The following DOK7 variants were observed in gnomAD, a reference collection of about 807,000 sequenced individuals.
The protein encoded by DOK7 is docking protein 7.
Under a neutral mutation model 30.7 loss-of-function variants are expected in DOK7, and 32 were observed. The observed-to-expected ratio is 1.04, with a 90% CI of 0.79 to 1.40. DOK7 has a LOEUF of 1.40. Ranked by LOEUF, DOK7 falls within the 40% of genes most tolerant of loss-of-function variation. The probability of loss-of-function intolerance (pLI) is 0.00; values close to 1 mark genes in which losing one functional copy is unlikely to be tolerated. For synonymous variants in DOK7, 447 were observed against 324.1 expected, an observed-to-expected ratio of 1.38 and a Z score of -4.07; for missense variants, 1,007 against 699.2, an observed-to-expected ratio of 1.44 and a Z score of -4.97.
downstream of DOK7, chr4:3,496,940 G>GT (rs1728943442): frequency 3.5e-6 from 2 of 575,200 alleles, no homozygotes; most frequent in Non-Finnish European, 5.4e-6. Context: ...GGCAGCCAGA[G>GT]TTTGACTAGA....
chr4:3,494,234 T>TC lies in DOK7; in HGVS notation c.*735dup. 1 of 985,504 alleles carries TC rather than the reference T, an allele frequency of 1.0e-6. No homozygotes were observed. Among genetic ancestry groups the TC allele is most frequent in the African/African-American group, 1.7e-5 (1 of 57,364 alleles). The allele number at this position is 985,504 out of a possible 1,614,324, so 61.0% of individuals were successfully genotyped here. ...AGCTCTGCTGGCTCCTGTCTGAACC[T>TC]CCTCGCAGGGCCAAAGGCTGGCTTG... On this transcript the variant is annotated 3_prime_UTR_variant, in exon 7 of 7. Coordinates refer to ENST00000340083, the MANE Select transcript of DOK7 (RefSeq NM_173660.5).
chr4:3,498,725 C>G (rs144196408), downstream of DOK7, among the ~76,000 whole-genome samples: 2 of 152,226 alleles, frequency 1.3e-5, no homozygotes, highest in African/African-American at 4.8e-5. Context: ...TGCCTGGGCA[C>G]CAGAACTTGG....
chr4:3,465,557 T>C (rs886071596), intron 2 of DOK7, among the ~76,000 whole-genome samples: 3 of 152,214 alleles, frequency 2.0e-5, no homozygotes, highest in African/African-American at 7.2e-5. Flanking sequence ...AGGGCCCCGA[T>C]GTGCACCTTT....
At chr4:3,487,984 C>T (rs1021252166) in intron 5 of DOK7, among the ~76,000 whole-genome samples, 4 of 152,248 alleles carry the variant, frequency 2.6e-5, no homozygotes, top group African/African-American at 4.8e-5. Context: ...GTGCCAGGAG[C>T]TGCTAAGCCG....
At chr4:3,490,381 C>T (rs1326432853) in intron 6 of DOK7, among the ~76,000 whole-genome samples, 10 of 101,640 alleles carry the variant, frequency 9.8e-5, no homozygotes, top group African/African-American at 4.0e-4. Flanking sequence ...CTTCCCCCCA[C>T]CCCCTGCTCA....
chr4:3,463,367 T>C lies in DOK7; in HGVS notation c.-9T>C. On this transcript the variant is annotated 5_prime_UTR_variant, in exon 1 of 7. It removes an upstream start codon present in the reference 5' UTR. Coordinates refer to ENST00000340083, the MANE Select transcript of DOK7 (RefSeq NM_173660.5). ...GGGCGAGCGCGGCGGCGCGGAACCA[T>C]GACAGAAGATGACCGAGGCGGCGCT... 2 of 1,479,816 alleles carry C rather than the reference T, an allele frequency of 1.4e-6. No homozygotes were observed. The highest frequency in any genetic ancestry group is 1.8e-6 in the Non-Finnish European group (2 of 1,129,756). The allele number at this position is 1,479,816 out of a possible 1,614,324, so 91.7% of individuals were successfully genotyped here.
chr4:3,500,356 T>C (rs1217827583), exon 7 of DOK7: 5 of 1,535,870 alleles, frequency 3.3e-6, no homozygotes, highest in African/African-American at 1.4e-5. Flanking sequence ...AGAAAGCAGC[T>C]GCACTACATG....
chr4:3,498,910 G>A (rs539876950), downstream of DOK7, among the ~76,000 whole-genome samples: 5 of 152,346 alleles, frequency 3.3e-5, no homozygotes, highest in East Asian at 3.9e-4. Context: ...GCGAACCCTC[G>A]TCGACCTGGG....
intron 2 of DOK7, among the ~76,000 whole-genome samples, chr4:3,469,163 ATG>A (rs544881859): frequency 4.3e-4 from 59 of 135,774 alleles, no homozygotes; most frequent in South Asian, 1.5e-3. Flanking sequence ...ATGAGTGTGC[ATG>A]TGTGTGTGTG....
chr4:3,473,056 C>T (rs1046114130), intron 2 of DOK7, among the ~76,000 whole-genome samples: 2 of 152,196 alleles, frequency 1.3e-5, no homozygotes, highest in Non-Finnish European at 2.9e-5. Flanking sequence ...CCCCCAAGCC[C>T]GTGACCACAG....
chr4:3,493,445 G>A lies in DOK7; in HGVS notation c.1459G>A (p.Ala487Thr), dbSNP rs751342277. 1.9e-6 allele frequency: 3 copies of A among 1,608,570 alleles called. No individual in the cohort carries two copies. The highest frequency in any genetic ancestry group is 2.5e-6 in the Non-Finnish European group (3 of 1,178,050). The part of the protein sequence containing the change: ...AGGPHAGPPP[A>T]FFSACPVCGG... ...CGGCCCCCACGCGGGGCCACCCCCGGCTTTCTTTTCGGCATGTCCAGTCTG... is the reference window on the plus strand; with the variant it reads ...CGGCCCCCACGCGGGGCCACCCCCGACTTTCTTTTCGGCATGTCCAGTCTG... Residue 487 changes from alanine (A) to threonine (T), a missense_variant, in exon 7 of 7, where the codon GCT (alanine) becomes ACT (threonine). Transcript: ENST00000340083.
chr4:3,497,659 A>AG (rs1159917156), downstream of DOK7, among the ~76,000 whole-genome samples: 1 of 149,904 alleles, frequency 6.7e-6, no homozygotes, highest in Non-Finnish European at 1.5e-5. Context: ...TGGCACCTAC[A>AG]GGGGGGCGGG....
chr4:3,471,107 G>A (rs1726732588), intron 2 of DOK7, among the ~76,000 whole-genome samples: 1 of 152,250 alleles, frequency 6.6e-6, no homozygotes, highest in South Asian at 2.1e-4. Flanking sequence ...TGAGCCATGG[G>A]TCACCTGGTC....
intron 2 of DOK7, 134 bp from the exon 3 acceptor site, chr4:3,473,272 T>C: frequency 1.2e-6 from 1 of 809,308 alleles, no homozygotes; most frequent in Non-Finnish European, 2.0e-6. Context: ...AGTCGAAGCC[T>C]TGGCATGGCT....
chr4:3,482,157 C>G (rs944784999), intron 4 of DOK7, among the ~76,000 whole-genome samples: 5 of 152,194 alleles, frequency 3.3e-5, no homozygotes, highest in Non-Finnish European at 5.9e-5. Flanking sequence ...CTTTTCACCC[C>G]CCTCCACCGC....
In DOK7 at chr4:3,468,808, CTGTG is replaced by C. The variant is rs1372890898; in HGVS notation, c.101-4592_101-4589del. On this transcript the variant is annotated intron_variant, in intron 2 of 6. Coordinates refer to ENST00000340083, the MANE Select transcript of DOK7 (RefSeq NM_173660.5). ...TGTGATCATGTATGTCTGTGTGTGC[CTGTG>C]TGTGTATGCATGGAGTGTGTGTGTG... Among the ~76,000 whole-genome samples, 42 of 136,942 alleles carry C rather than the reference CTGTG, an allele frequency of 3.1e-4. 5 individuals carry two copies. Among genetic ancestry groups the C allele is most frequent in the East Asian group, 9.0e-4 (4 of 4,448 alleles). The allele number at this position is 136,942 out of a possible 152,430, so 89.8% of individuals were successfully genotyped here.
chr4:3,489,647 C>G (rs1266259705), intron 5 of DOK7, 30 bp from the exon 6 acceptor site: 1 of 1,560,026 alleles, frequency 6.4e-7, no homozygotes, highest in Admixed American at 1.9e-5. Flanking sequence ...TGGTGGCCAC[C>G]TCCTCCACCG....
chr4:3,501,022 T>G (rs1729160565), exon 8 of DOK7: 6 of 822,022 alleles, frequency 7.3e-6, no homozygotes, highest in Non-Finnish European at 9.1e-6. Flanking sequence ...GCCTCACAGG[T>G]GTCCGGGGCT....
At position 3,493,287 on chromosome 4, in the gene DOK7, C is replaced by T. The variant is rs1397937188; in HGVS notation, c.1301C>T (p.Ser434Leu). ...GSPGNSAARDSGGQTSAGCPS... is the reference protein window; with the variant it reads ...GSPGNSAARDLGGQTSAGCPS... Reference sequence around the variant, plus strand: ...CCCGGCAACAGTGCGGCCAGGGACTCAGGCGGCCAGACGTCCGCCGGGTGT... The same window carrying T: ...CCCGGCAACAGTGCGGCCAGGGACTTAGGCGGCCAGACGTCCGCCGGGTGT... The change falls in exon 7 of 7, where the codon TCA becomes TTA. Residue 434 changes from serine to leucine, a missense_variant. Transcript: ENST00000340083. 6 of 1,609,176 alleles carry T rather than the reference C, an allele frequency of 3.7e-6. No individual in the cohort carries two copies. The highest frequency in any genetic ancestry group is 1.1e-5 in the South Asian group (1 of 90,658).
Sources: gnomAD v4.1 joint callset for allele counts (sites outside exome capture counted in the v4.1 genomes callset) on GRCh38, gnomAD v4.1.1 for gene constraint, MANE v1.5 for transcripts, NCBI Gene and HGNC (gene_info 2026-07-23, HGNC 2026-07-21) for gene names.